The following ING5 variants were observed in gnomAD, a reference collection of about 807,000 sequenced individuals.
ING5 encodes inhibitor of growth protein 5.
ING5 carries 17 observed loss-of-function variants against 37.4 expected under a neutral mutation model. The observed-to-expected ratio is 0.45, with a 90% CI of 0.31 to 0.68. The LOEUF is 0.68. Ranked by LOEUF, ING5 falls within the 30% of genes least tolerant of loss-of-function variation. The probability of loss-of-function intolerance (pLI) is 0.05; values close to 1 mark genes in which losing one functional copy is unlikely to be tolerated. For synonymous variants in ING5, 123 were observed against 116.6 expected (o/e 1.06, Z -0.36); for missense variants, 233 against 311.9 (o/e 0.75, Z 1.91).
upstream of ING5, chr2:241,687,036 T>C (rs966284367): frequency 3.6e-5 from 17 of 470,408 alleles, no homozygotes; most frequent in East Asian, 1.8e-4. Flanking sequence ...CGTGCGGGCC[T>C]CCGTCCTCGG....
chr2:241,698,416 CAA>C (rs544307159), upstream of ING5, among the ~76,000 whole-genome samples: 5 of 125,734 alleles, frequency 4.0e-5, no homozygotes, highest in Non-Finnish European at 5.1e-5. Context: ...TTTGAGGTCT[CAA>C]AAAAAAAAAA....
chr2:241,708,523 C>T (rs184791736), intron 2 of ING5, among the ~76,000 whole-genome samples: 132 of 152,298 alleles, frequency 8.7e-4, no homozygotes, highest in Middle Eastern at 3.4e-3. Context: ...TCTTACCCCT[C>T]TAAACTGAAG....
In ING5 at chr2:241,712,070, G is replaced by C; in HGVS notation, c.481G>C (p.Gly161Arg). ...DTPKKKKHKG[G>R]SEFTDTILSV... ...ACCAAAGAAAAAGAAGCACAAAGGA[G>C]GGTAAGAGGCTTTCCCCTCTTTTTC... Residue 161 changes from glycine (G) to arginine (R), a missense_variant and splice_region_variant, in exon 5 of 8, where the codon GGG (glycine) becomes CGG (arginine). Gly to Arg is a moderately radical substitution (Grantham distance 125). This residue lies in a region of ING5 where 76 missense variants were observed against 68.2 expected (regional missense o/e 1.11). Transcript: ENST00000313552. 2 of 1,604,926 alleles carry C rather than the reference G, an allele frequency of 1.2e-6. No individual in the cohort carries two copies. Among genetic ancestry groups the C allele is most frequent in the Non-Finnish European group, 8.5e-7 (1 of 1,175,520 alleles).
Position 241,722,499 on chromosome 2 carries a change from C to T in ING5, c.483-440C>T, listed in dbSNP as rs1002359124. ...CCCGAAGGTGGGCGCGAGGTCTCCA[C>T]CCCTCTGCTGCCAGCTGCTGCTGTT... On this transcript the variant is annotated intron_variant, in intron 5 of 7. Transcript: ENST00000313552. 1.1e-5 allele frequency: 11 copies of T among 985,308 alleles called. No individual in the cohort carries two copies. The Admixed American group carries it at 1.8e-4, about 17-fold the overall frequency. The allele number at this position is 985,308 out of a possible 1,614,324, so 61.0% of individuals were successfully genotyped here.
intron 5 of ING5, chr2:241,719,357 GC>G: frequency 1.5e-6 from 1 of 649,042 alleles, no homozygotes; most frequent in South Asian, 1.8e-5. Flanking sequence ...GGCGGACGCC[GC>G]CCCCAACCCC....
At position 241,709,295 on chromosome 2, in the gene ING5, G is replaced by C; in HGVS notation, c.189G>C (p.Glu63Asp). ...VKTLSPDQRV[E>D]RLQKIQNAYS... The stretch of plus-strand genomic sequence containing the variant: ...CGCTGTCTCCAGACCAGCGCGTGGA[G>C]CGCCTGCAGAAGATCCAGAACGCCT... Residue 63 changes from glutamate to aspartate, a missense_variant, in exon 3 of 8, where the codon GAG (glutamate) becomes GAC (aspartate). Glu to Asp is a conservative substitution (Grantham distance 45). Transcript: ENST00000313552. 1 of 1,614,138 alleles carries C rather than the reference G, an allele frequency of 6.2e-7. No homozygotes were observed. The highest frequency in any genetic ancestry group is 8.5e-7 in the Non-Finnish European group (1 of 1,180,010).
In ING5 at chr2:241,702,111, G is replaced by T; in HGVS notation, c.37+9G>T. The T allele has an allele frequency of 7.6e-7, 1 of 1,312,980 alleles. No homozygotes were observed. Among genetic ancestry groups the T allele is most frequent in the East Asian group, 3.4e-5 (1 of 29,154 alleles). The allele number at this position is 1,312,980 out of a possible 1,614,324, so 81.3% of individuals were successfully genotyped here. On this transcript the variant is annotated intron_variant, in intron 1 of 7. Coordinates refer to ENST00000313552, the MANE Select transcript of ING5 (RefSeq NM_032329.6). The stretch of plus-strand genomic sequence containing the variant: ...GGAGCACTATCTGGACAGTAAGCGC[G>T]CCCCACGGGCCCCGCGCCCGCCGCC...
chr2:241,694,898 T>C (rs1433959912), intron 2 of ING5, among the ~76,000 whole-genome samples: 2 of 132,046 alleles, frequency 1.5e-5, no homozygotes, highest in Non-Finnish European at 3.2e-5. Flanking sequence ...CGGGCGCCTG[T>C]AGTCCCAGCT....
Position 241,709,223 on chromosome 2 carries a change from A to G in ING5, c.117A>G (p.Lys39=). ...CCCCCATTTCTCCATCAGATAAGAA[A>G]GCAGAGATTGACATCCTGGCTGCAG... The part of the protein sequence containing the change: ...RELDQRTEDK[K]AEIDILAAEY... The change falls in exon 3 of 8, where the codon AAA becomes AAG. Residue 39 remains lysine (K), a synonymous_variant. Coordinates refer to ENST00000313552, the MANE Select transcript of ING5 (RefSeq NM_032329.6). The G allele has an allele frequency of 1.2e-6, 2 of 1,611,146 alleles. No homozygotes were observed. Among genetic ancestry groups the G allele is most frequent in the South Asian group, 2.2e-5 (2 of 90,768 alleles).
chr2:241,724,924 C>G, intron 7 of ING5, 65 bp from the exon 8 acceptor site: 2 of 1,508,816 alleles, frequency 1.3e-6, no homozygotes, highest in Non-Finnish European at 1.8e-6. Context: ...GGGAGGCGGG[C>G]CCTGGGCACC....
Position 241,721,672 on chromosome 2 carries a change from T to TA in ING5, c.483-1266dup, listed in dbSNP as rs111758304. On this transcript the variant is annotated intron_variant, in intron 5 of 7. Coordinates refer to ENST00000313552, the MANE Select transcript of ING5 (RefSeq NM_032329.6). The stretch of plus-strand genomic sequence containing the variant: ...CTGCTGTGTTTACATACCAACTAGA[T>TA]ATTCGTGGGTTGGAGGGTGGGATAG... The TA allele has an allele frequency of 2.5e-3, 2,415 of 985,112 alleles. 50 individuals are homozygous for TA. In the African/African-American group the frequency reaches 0.039, roughly 16 times the overall value. 61.0% of individuals were successfully genotyped at this position (985,112 alleles called of 1,614,324 possible).
chr2:241,711,269 C>T, intron 3 of ING5, 108 bp from the exon 4 acceptor site: 1 of 669,980 alleles, frequency 1.5e-6, no homozygotes, highest in Non-Finnish European at 2.4e-6. Flanking sequence ...TCATTGGAGA[C>T]TCAATTAAAG....
intron 4 of ING5, 32 bp from the exon 5 acceptor site, chr2:241,711,946 T>C (rs2070123726): frequency 6.6e-7 from 1 of 1,526,116 alleles, no homozygotes. Flanking sequence ...GAGAATTCTA[T>C]AAAAATAATT....
upstream of ING5, among the ~76,000 whole-genome samples, chr2:241,699,461 A>G (rs1007796793): frequency 6.6e-6 from 1 of 152,156 alleles, no homozygotes; most frequent in Admixed American, 6.6e-5. Flanking sequence ...CCCAGGCAAG[A>G]GTACAGTGGT....
intron 1 of ING5, among the ~76,000 whole-genome samples, chr2:241,702,871 G>T (rs1364236047): frequency 6.6e-6 from 1 of 152,256 alleles, no homozygotes; most frequent in African/African-American, 2.4e-5. Flanking sequence ...GATGGGCACA[G>T]CTTTGGGGTC....
upstream of ING5, among the ~76,000 whole-genome samples, chr2:241,698,496 AGTGTGTGTGT>A (rs199798593): frequency 0.16 from 23,923 of 147,430 alleles, 2,055 homozygotes; most frequent in Middle Eastern, 0.28. Context: ...ATAATAGAGG[AGTGTGTGTGT>A]GTGTGTGTGT....
chr2:241,722,567 C>G (rs138139022), intron 5 of ING5: 27 of 985,428 alleles, frequency 2.7e-5, no homozygotes, highest in Non-Finnish European at 3.0e-5. Context: ...CATCAGCTGA[C>G]AATCTGTTCG....
In ING5 at chr2:241,709,560, T is replaced by TG. The variant is rs547017656; in HGVS notation, c.276+178_276+179insG. Among the ~76,000 whole-genome samples the TG allele has an allele frequency of 6.0e-5, 9 of 148,968 alleles. 1 individual carries two copies. The highest frequency in any genetic ancestry group is 4.3e-4 in the South Asian group (2 of 4,684). On this transcript the variant is annotated intron_variant, in intron 3 of 7. Coordinates refer to ENST00000313552, the MANE Select transcript of ING5 (RefSeq NM_032329.6). ...CTTCATGTAGGACCATCCCTGTTTT[T>TG]TTTTTTTTTTTTTCTGGGCCCTTTT...
At chr2:241,717,465 T>C (rs987544155) in intron 5 of ING5, among the ~76,000 whole-genome samples, 1 of 152,226 alleles carries the variant, frequency 6.6e-6, no homozygotes, top group Non-Finnish European at 1.5e-5. Flanking sequence ...GATGCAAATT[T>C]CTGTCTTGTC....
Sources: gnomAD v4.1 joint callset for allele counts (sites outside exome capture counted in the v4.1 genomes callset) on GRCh38, gnomAD v4.1.1 for gene constraint, gnomAD v4.1.1 regional missense constraint, MANE v1.5 for transcripts, NCBI Gene and HGNC (gene_info 2026-07-23, HGNC 2026-07-21) for gene names.